RIT2: variants seen among roughly 807,000 people sequenced by gnomAD.
RIT2 encodes the protein Ras like without CAAX 2.
A neutral mutation model predicts 23.7 loss-of-function variants in RIT2; 24 were observed. The observed-to-expected ratio is 1.01, with a 90% CI of 0.73 to 1.43. The LOEUF (loss-of-function observed/expected upper bound fraction) is 1.43. Ranked by LOEUF, RIT2 falls within the 40% of genes most tolerant of loss-of-function variation. The pLI is 0.00. For synonymous variants in RIT2, 107 were observed against 91.1 expected, an observed-to-expected ratio of 1.17 and a Z score of -0.99; for missense variants, 236 against 266.9, an observed-to-expected ratio of 0.88 and a Z score of 0.81.
At chr18:42,800,767 G>C (rs900365318) in intron 4 of RIT2, among the ~76,000 whole-genome samples, 1 of 151,952 alleles carries the variant, frequency 6.6e-6, no homozygotes, top group Admixed American at 6.6e-5. Context: ...TCCTGACCTC[G>C]TGATCCGCCC....
chr18:42,901,945 T>A (rs1908486888), intron 4 of RIT2, among the ~76,000 whole-genome samples: 1 of 151,956 alleles, frequency 6.6e-6, no homozygotes, highest in Non-Finnish European at 1.5e-5. Context: ...AACATGTTTA[T>A]TGCAGATTGA....
At chr18:43,055,356 A>C (rs1390693924) in intron 1 of RIT2, among the ~76,000 whole-genome samples, 2 of 152,068 alleles carry the variant, frequency 1.3e-5, no homozygotes, top group Non-Finnish European at 2.9e-5. Context: ...AACAATGATG[A>C]AATGGCACTA....
At chr18:42,881,136 C>T (rs1907883270) in intron 4 of RIT2, among the ~76,000 whole-genome samples, 1 of 152,130 alleles carries the variant, frequency 6.6e-6, no homozygotes, top group African/African-American at 2.4e-5. Context: ...CATCCCACAT[C>T]CTGCTGCCTC....
intron 1 of RIT2, among the ~76,000 whole-genome samples, chr18:43,081,020 T>C (rs11082306): frequency 0.1 from 15,869 of 152,162 alleles, 902 homozygotes; most frequent in Non-Finnish European, 0.11. Context: ...AACCTGAAAG[T>C]TTCCTTTTAA....
chr18:42,844,902 T>C (rs1011795635), intron 4 of RIT2, among the ~76,000 whole-genome samples: 2 of 152,118 alleles, frequency 1.3e-5, no homozygotes, highest in Non-Finnish European at 2.9e-5. Context: ...ACATAACAGG[T>C]ATTCAAGAAA....
intron 4 of RIT2, among the ~76,000 whole-genome samples, chr18:42,856,825 C>CTTTTT (rs760595125): frequency 3.9e-5 from 5 of 128,010 alleles, no homozygotes; most frequent in African/African-American, 1.6e-4. Flanking sequence ...TTCTCTCTCT[C>CTTTTT]TCTTTTTTTT....
rs752640941 is a variant in RIT2 at position 43,115,477 on chromosome 18, A to C, written c.43T>G (p.Ser15Ala). Residue 15 changes from serine (S) to alanine (A), a missense_variant, in exon 1 of 5, where the codon TCA (serine) becomes GCA (alanine). By Grantham distance (99) the Ser-to-Ala change is moderately conservative. Transcript: ENST00000326695. ...NEASCSPGSA[S>A]GGSREYKVVM... ...ACCTTGTACTCTCTGGACCCGCCTG[A>C]TGCGCTGCCCGGGGAGCAGCTGGCT... 1.2e-6 allele frequency: 2 copies of C among 1,613,594 alleles called. No homozygotes were observed. Among genetic ancestry groups the C allele is most frequent in the Non-Finnish European group, 1.7e-6 (2 of 1,179,782 alleles).
chr18:42,925,846 G>A (rs1909166056), intron 3 of RIT2, among the ~76,000 whole-genome samples: 1 of 151,556 alleles, frequency 6.6e-6, no homozygotes, highest in African/African-American at 2.4e-5. Flanking sequence ...TAATTAAAAT[G>A]TAGCAGCGCT....
chr18:43,022,568 T>G (rs549081124), intron 2 of RIT2, among the ~76,000 whole-genome samples: 5 of 152,196 alleles, frequency 3.3e-5, no homozygotes, highest in African/African-American at 1.2e-4. Flanking sequence ...TGTACCCCAT[T>G]AAATATGCAT....
chr18:42,957,905 T>C (rs1225375489), intron 3 of RIT2, among the ~76,000 whole-genome samples: 2 of 152,154 alleles, frequency 1.3e-5, no homozygotes, highest in African/African-American at 4.8e-5. Flanking sequence ...CATAAACCTG[T>C]CGGAGAGAGC....
intron 1 of RIT2, among the ~76,000 whole-genome samples, chr18:43,091,483 C>A (rs1913421737): frequency 6.6e-6 from 1 of 151,980 alleles, no homozygotes; most frequent in Non-Finnish European, 1.5e-5. Flanking sequence ...ATAATGTGGT[C>A]TTTACTATGG....
intron 4 of RIT2, among the ~76,000 whole-genome samples, chr18:42,834,675 A>T (rs1906550399): frequency 6.6e-6 from 1 of 152,198 alleles, no homozygotes; most frequent in Non-Finnish European, 1.5e-5. Flanking sequence ...AGGGAAATGA[A>T]TTAGAATTAC....
chr18:43,046,689 G>T (rs2144302929), intron 1 of RIT2, among the ~76,000 whole-genome samples: 1 of 152,236 alleles, frequency 6.6e-6, no homozygotes, highest in South Asian at 2.1e-4. Flanking sequence ...GGGTCTGAGA[G>T]GCCCTTTCAT....
chr18:42,994,324 T>C (rs565034973), intron 2 of RIT2, among the ~76,000 whole-genome samples: 15 of 152,186 alleles, frequency 9.9e-5, no homozygotes, highest in Admixed American at 3.3e-4. Context: ...TAATTCTTCA[T>C]AAAAACACAC....
At chr18:43,099,655 G>A (rs899449404) in intron 1 of RIT2, among the ~76,000 whole-genome samples, 1 of 152,074 alleles carries the variant, frequency 6.6e-6, no homozygotes, top group Non-Finnish European at 1.5e-5. Flanking sequence ...ATAAACACAT[G>A]TGTATTTGTG....
intron 4 of RIT2, among the ~76,000 whole-genome samples, chr18:42,831,676 G>A (rs1197625912): frequency 6.6e-6 from 1 of 152,146 alleles, no homozygotes. Flanking sequence ...GCTGACATTT[G>A]TGAATACTAA....
At chr18:42,821,687 G>C (rs1906154029) in intron 4 of RIT2, among the ~76,000 whole-genome samples, 1 of 152,168 alleles carries the variant, frequency 6.6e-6, no homozygotes, top group South Asian at 2.1e-4. Flanking sequence ...AATATGTGTA[G>C]TGTCCTTTGA....
At chr18:42,890,052 C>A (rs1001734488) in intron 4 of RIT2, among the ~76,000 whole-genome samples, 1 of 151,964 alleles carries the variant, frequency 6.6e-6, no homozygotes, top group Non-Finnish European at 1.5e-5. Flanking sequence ...TTGTATGATG[C>A]ATTATGTTGT....
intron 4 of RIT2, among the ~76,000 whole-genome samples, chr18:42,842,107 T>C (rs1487807858): frequency 6.6e-6 from 1 of 152,248 alleles, no homozygotes; most frequent in Admixed American, 6.5e-5. Context: ...AATTTGCCTA[T>C]TAATGATATT....
Sources: gnomAD v4.1 joint callset for allele counts (sites outside exome capture counted in the v4.1 genomes callset) on GRCh38, gnomAD v4.1.1 for gene constraint, MANE v1.5 for transcripts, NCBI Gene and HGNC (gene_info 2026-07-23, HGNC 2026-07-21) for gene names.